Variants in SYNPR observed in about 807,000 individuals in gnomAD.
The protein encoded by SYNPR is synaptoporin.
In SYNPR, 23 loss-of-function variants were observed where a neutral mutation model predicts 32.9. The ratio of observed to expected loss-of-function variants is 0.70; its 90% CI spans 0.50 to 0.99. The LOEUF (loss-of-function observed/expected upper bound fraction) is 0.99. Ranked by LOEUF, SYNPR falls within the 50% of genes least tolerant of loss-of-function variation. The probability of loss-of-function intolerance (pLI) is 0.00; values close to 1 mark genes in which losing one functional copy is unlikely to be tolerated. For synonymous variants in SYNPR, 146 were observed against 135.9 expected, an observed-to-expected ratio of 1.07 and a Z score of -0.52; for missense variants, 318 against 349.3, an observed-to-expected ratio of 0.91 and a Z score of 0.71.
At chr3:63,454,574 G>A (rs528060939) in intron 2 of SYNPR, among the ~76,000 whole-genome samples, 17 of 152,252 alleles carry the variant, frequency 1.1e-4, no homozygotes, top group African/African-American at 3.6e-4. Context: ...GCTCAGGAAG[G>A]CCATTTCCAA....
chr3:63,270,514 G>A (rs1392502474), intron 3 of SYNPR, among the ~76,000 whole-genome samples: 3 of 152,174 alleles, frequency 2.0e-5, no homozygotes, highest in Non-Finnish European at 4.4e-5. Flanking sequence ...CTGACTGGTA[G>A]CTAAATAAAA....
intron 2 of SYNPR, among the ~76,000 whole-genome samples, chr3:63,384,893 A>T (rs376112888): frequency 3.9e-4 from 60 of 152,200 alleles, no homozygotes; most frequent in African/African-American, 1.4e-3. Context: ...TCAATTTTAG[A>T]TTTTTCCAAC....
At chr3:63,528,748 T>G (rs1211949707) in intron 3 of SYNPR, among the ~76,000 whole-genome samples, 2 of 152,100 alleles carry the variant, frequency 1.3e-5, no homozygotes, top group Non-Finnish European at 2.9e-5. Context: ...TCAGCACTGA[T>G]GGAGTACTAC....
At chr3:63,430,113 C>G (rs1699965883) in intron 2 of SYNPR, among the ~76,000 whole-genome samples, 1 of 152,130 alleles carries the variant, frequency 6.6e-6, no homozygotes, top group Non-Finnish European at 1.5e-5. Context: ...GAATCTGAAA[C>G]TTTGGCACAT....
chr3:63,254,698 A>G (rs1366881963), intron 2 of SYNPR, among the ~76,000 whole-genome samples: 1 of 152,188 alleles, frequency 6.6e-6, no homozygotes, highest in Admixed American at 6.5e-5. Context: ...CCTTGGTACT[A>G]TGGGCCGAAT....
intron 4 of SYNPR, among the ~76,000 whole-genome samples, chr3:63,567,924 G>C (rs765737216): frequency 1.3e-5 from 2 of 152,186 alleles, no homozygotes; most frequent in Admixed American, 6.5e-5. Context: ...GCTATCTCAA[G>C]AAATAGACAG....
chr3:63,334,993 G>A (rs930683843), intron 2 of SYNPR, among the ~76,000 whole-genome samples: 1 of 152,098 alleles, frequency 6.6e-6, no homozygotes, highest in East Asian at 1.9e-4. Context: ...TGTTCTCTGG[G>A]GTACAGAGTC....
intron 2 of SYNPR, among the ~76,000 whole-genome samples, chr3:63,317,085 G>A (rs1377872436): frequency 7.4e-6 from 1 of 135,750 alleles, no homozygotes; most frequent in Non-Finnish European, 1.7e-5. Flanking sequence ...ATTCCACTGT[G>A]ATCTGACAGC....
chr3:63,507,453 C>T (rs1238666618), intron 3 of SYNPR, among the ~76,000 whole-genome samples: 1 of 152,008 alleles, frequency 6.6e-6, no homozygotes, highest in Non-Finnish European at 1.5e-5. Flanking sequence ...TCATATGTTC[C>T]GAGAAGTAAC....
At chr3:63,350,971 G>T (rs1488916422) in intron 2 of SYNPR, among the ~76,000 whole-genome samples, 3 of 152,008 alleles carry the variant, frequency 2.0e-5, no homozygotes, top group African/African-American at 7.2e-5. Context: ...CCCTCAGTTG[G>T]GTTCCATTTA....
At chr3:63,480,258 A>C (rs1198225470) in intron 2 of SYNPR, among the ~76,000 whole-genome samples, 1 of 152,224 alleles carries the variant, frequency 6.6e-6, no homozygotes, top group Admixed American at 6.5e-5. Flanking sequence ...TGTAACCACC[A>C]GTGAAAGTTG....
intron 2 of SYNPR, among the ~76,000 whole-genome samples, chr3:63,380,811 A>G (rs2087958219): frequency 6.6e-6 from 1 of 152,248 alleles, no homozygotes; most frequent in African/African-American, 2.4e-5. Flanking sequence ...CCACATGATT[A>G]TCTCAATAGA....
chr3:63,313,741 A>G lies in SYNPR; in HGVS notation c.84+34999A>G, dbSNP rs190618705. On this transcript the variant is annotated intron_variant, in intron 2 of 5. Coordinates refer to ENST00000478300, the MANE Select transcript of SYNPR (RefSeq NM_001130003.2). ...TCCATATATATATATCCATATATAT[A>G]TATCCATATATATATCCATATATAT... Among the ~76,000 whole-genome samples the G allele has an allele frequency of 4.5e-3, 187 of 41,872 alleles. 25 individuals are homozygous for G. Among genetic ancestry groups the G allele is most frequent in the African/African-American group, 0.014 (176 of 12,368 alleles). The allele number at this position is 41,872 out of a possible 152,430, so 27.5% of individuals were successfully genotyped here.
At chr3:63,524,846 T>TGCGC (rs879396414) in intron 3 of SYNPR, among the ~76,000 whole-genome samples, 81 of 101,190 alleles carry the variant, frequency 8.0e-4, no homozygotes, top group African/African-American at 1.3e-3. Flanking sequence ...TGTGTGTGTG[T>TGCGC]GTGTGCATGT....
intron 1 of SYNPR, among the ~76,000 whole-genome samples, chr3:63,232,714 G>A (rs963462596): frequency 6.6e-6 from 1 of 152,108 alleles, no homozygotes; most frequent in East Asian, 1.9e-4. Flanking sequence ...TCCCTAGTCT[G>A]TAAAACGGGA....
chr3:63,254,395 C>T (rs748949908), intron 2 of SYNPR, among the ~76,000 whole-genome samples: 4 of 151,986 alleles, frequency 2.6e-5, no homozygotes, highest in South Asian at 2.1e-4. Flanking sequence ...TCTACTAGTA[C>T]GTCGTGAGAT....
chr3:63,565,588 T>C (rs12638653), intron 4 of SYNPR, among the ~76,000 whole-genome samples: 49,237 of 152,032 alleles, frequency 0.32, 8,570 homozygotes, highest in South Asian at 0.47. Context: ...CCCTACTTCT[T>C]AATATTATCA....
intron 2 of SYNPR, chr3:63,426,758 A>ATG (rs1699899844): frequency 6.6e-6 from 1 of 152,102 alleles, no homozygotes; most frequent in Non-Finnish European, 1.5e-5. Context: ...TGCTTTTGGC[A>ATG]TCCAGTCCAT....
At chr3:63,436,306 A>G (rs1700083796) in intron 2 of SYNPR, among the ~76,000 whole-genome samples, 1 of 150,162 alleles carries the variant, frequency 6.7e-6, no homozygotes, top group Admixed American at 6.6e-5. Context: ...AACATTAGGT[A>G]TATCTCCTAA....
Sources: gnomAD v4.1 joint callset for allele counts (sites outside exome capture counted in the v4.1 genomes callset) on GRCh38, gnomAD v4.1.1 for gene constraint, MANE v1.5 for transcripts, NCBI Gene and HGNC (gene_info 2026-07-23, HGNC 2026-07-21) for gene names.